MAGT1: variants seen among roughly 807,000 people sequenced by gnomAD.
MAGT1 encodes the protein dolichyl-diphosphooligosaccharide--protein glycosyltransferase subunit MAGT1.
Under a neutral mutation model 28.4 loss-of-function variants are expected in MAGT1, and 4 were observed. The ratio of observed to expected loss-of-function variants is 0.14; its 90% CI spans 0.07 to 0.32. The LOEUF is 0.32. Among genes scored for constraint, MAGT1 ranks in the 10% least tolerant of loss-of-function variants. The pLI, the probability that MAGT1 is intolerant of heterozygous loss-of-function variation, is 1.00. For synonymous variants in MAGT1, 89 were observed against 89.7 expected (o/e 0.99, Z 0.04); for missense variants, 193 against 264.5 (o/e 0.73, Z 1.88).
Position 77,841,235 on chromosome X carries a change from A to G in MAGT1, c.901+11T>C. On this transcript the variant is annotated intron_variant, in intron 8 of 9. Coordinates refer to ENST00000618282, the MANE Select transcript of MAGT1 (RefSeq NM_001367916.1). ...AGGCAGCACTGTTACATTTTGAGTA[A>G]GGTGACTTACTCTTTCGCTTTCCAA... 1 of 1,175,750 alleles carries G rather than the reference A, an allele frequency of 8.5e-7. No individual in the cohort carries two copies. Among genetic ancestry groups the G allele is most frequent in the Non-Finnish European group, 1.2e-6 (1 of 862,936 alleles).
intron 8 of MAGT1, among the ~76,000 whole-genome samples, chrX:77,835,277 G>A (rs1304737977): frequency 1.8e-5 from 2 of 110,997 alleles, no homozygotes; most frequent in Admixed American, 1.9e-4. Flanking sequence ...TTCAATAGAC[G>A]TTTCTCAAAA....
At chrX:77,842,737 T>G (rs914983651) in intron 7 of MAGT1, among the ~76,000 whole-genome samples, 4 of 109,800 alleles carry the variant, frequency 3.6e-5, no homozygotes, top group African/African-American at 1.3e-4. Context: ...TGAGGCAGGA[T>G]AATCACTTGA....
intron 7 of MAGT1, among the ~76,000 whole-genome samples, chrX:77,851,429 A>G (rs2076967919): frequency 1.9e-5 from 2 of 107,880 alleles, no homozygotes; most frequent in Admixed American, 2.0e-4. Context: ...GATGGAGTCC[A>G]GTGGTACCAT....
intron 4 of MAGT1, 129 bp downstream of exon 4, chrX:77,857,222 GTTTAAT>G: frequency 1.3e-6 from 1 of 756,562 alleles, no homozygotes; most frequent in Non-Finnish European, 2.0e-6. Context: ...AGATGATTCT[GTTTAAT>G]GCTACTTATG....
chrX:77,832,843 A>G (rs963432276), intron 8 of MAGT1, among the ~76,000 whole-genome samples: 40 of 108,598 alleles, frequency 3.7e-4, no homozygotes, highest in Non-Finnish European at 7.1e-4. Context: ...AAAAAAAAAA[A>G]AAAAAAGAAA....
intron 3 of MAGT1, among the ~76,000 whole-genome samples, chrX:77,869,714 AAAAAAAAAACACAAAAAACAAAAC>A (rs1267842605): frequency 1.8e-5 from 2 of 109,356 alleles, no homozygotes; most frequent in Admixed American, 2.0e-4. Flanking sequence ...AATTAAAGCA[AAAAAAAAAACACAAAAAACAAAAC>A]AAAAAAAAAC....
At chrX:77,876,768 A>T (rs2077036039) in intron 1 of MAGT1, among the ~76,000 whole-genome samples, 1 of 111,636 alleles carries the variant, frequency 9.0e-6, no homozygotes, top group Admixed American at 9.6e-5. Context: ...TAATCCCAGC[A>T]CTTTGGAGGC....
chrX:77,876,305 C>T (rs2077035062), intron 1 of MAGT1, among the ~76,000 whole-genome samples: 1 of 105,517 alleles, frequency 9.5e-6, no homozygotes, highest in South Asian at 4.1e-4. Context: ...TGCACCCAGA[C>T]AGAATTATTT....
intron 7 of MAGT1, among the ~76,000 whole-genome samples, chrX:77,850,627 C>T (rs1745874313): frequency 9.0e-6 from 1 of 110,666 alleles, no homozygotes; most frequent in African/African-American, 3.3e-5. Flanking sequence ...GAAAAAAGTT[C>T]ACTTTTTGCA....
chrX:77,835,842 CACCCAGGCTGG>C (rs2149010535), intron 8 of MAGT1, among the ~76,000 whole-genome samples: 1 of 111,366 alleles, frequency 9.0e-6, no homozygotes, highest in East Asian at 2.8e-4. Flanking sequence ...CTCGCTCTGT[CACCCAGGCTGG>C]AGTGCAGTGG....
chrX:77,876,172 T>A lies in MAGT1; in HGVS notation c.103-575A>T, dbSNP rs1438328590. ...TATATATATATATATATATTTTTTT[T>A]TTTTTTTTTTTTTTGTAGAGACGGG... On this transcript the variant is annotated intron_variant, in intron 1 of 9. Coordinates refer to ENST00000618282, the MANE Select transcript of MAGT1 (RefSeq NM_001367916.1). Among the ~76,000 whole-genome samples, 298 of 64,147 alleles carry A rather than the reference T, an allele frequency of 4.6e-3. 1 individual carries two copies. Among genetic ancestry groups the A allele is most frequent in the East Asian group, 9.5e-3 (19 of 1,995 alleles). The allele number at this position is 64,147 out of a possible 115,157, so 55.7% of individuals were successfully genotyped here. A position where few individuals can be genotyped will look rare whatever the true frequency, so the allele number is the denominator to read the frequency against.
At chrX:77,875,194 G>C (rs2077030190) in intron 2 of MAGT1, among the ~76,000 whole-genome samples, 1 of 110,547 alleles carries the variant, frequency 9.0e-6, no homozygotes, top group Admixed American at 9.7e-5. Context: ...ATGACTGTTT[G>C]ATCTTTAAGT....
intron 1 of MAGT1, among the ~76,000 whole-genome samples, chrX:77,883,571 TTTTTGG>T (rs2077059464): frequency 1.0e-5 from 1 of 99,808 alleles, no homozygotes; most frequent in African/African-American, 3.7e-5. Context: ...TTTTTTTTTT[TTTTTGG>T]TGACAGGGTC....
At chrX:77,836,591 C>A (rs2076919218) in intron 8 of MAGT1, among the ~76,000 whole-genome samples, 1 of 111,923 alleles carries the variant, frequency 8.9e-6, no homozygotes, top group Non-Finnish European at 1.9e-5. Flanking sequence ...GACAAGTTAG[C>A]CTTTTATTCT....
chrX:77,845,583 T>C lies in MAGT1; in HGVS notation c.827-4263A>G. Among the ~76,000 whole-genome samples, 2 of 112,001 alleles carry C rather than the reference T, an allele frequency of 1.8e-5. 1 individual carries two copies. The highest frequency in any genetic ancestry group is 9.2e-3 in the Middle Eastern group (2 of 217). On this transcript the variant is annotated intron_variant, in intron 7 of 9. Coordinates refer to ENST00000618282, the MANE Select transcript of MAGT1 (RefSeq NM_001367916.1). Reference sequence around the variant, plus strand: ...TTTTGCAGTGGCTGGTGCCGGTTGTTCCTTTCCATGTTTAGCGCTTCCTTC... The same window carrying C: ...TTTTGCAGTGGCTGGTGCCGGTTGTCCCTTTCCATGTTTAGCGCTTCCTTC...
intron 1 of MAGT1, chrX:77,885,712 T>C (rs971504704): frequency 1.6e-4 from 18 of 110,539 alleles, no homozygotes; most frequent in African/African-American, 5.9e-4. Flanking sequence ...TTGGGCGCAG[T>C]AGCTCATGCC....
At chrX:77,862,228 A>T (rs2076996488) in intron 3 of MAGT1, among the ~76,000 whole-genome samples, 1 of 111,444 alleles carries the variant, frequency 9.0e-6, no homozygotes, top group Non-Finnish European at 1.9e-5. Flanking sequence ...TCTCTTCCAC[A>T]GATGGACACA....
In MAGT1 at chrX:77,826,349, A is replaced by C. The variant is rs1172496403; in HGVS notation, c.*2871T>G. 1.8e-5 allele frequency: 2 copies of C among 112,656 alleles called. No homozygotes were observed. Among genetic ancestry groups the C allele is most frequent in the Non-Finnish European group, 3.8e-5 (2 of 53,293 alleles). The allele number at this position is 112,656 out of a possible 1,213,427, so 9.3% of individuals were successfully genotyped here. On this transcript the variant is annotated 3_prime_UTR_variant, in exon 10 of 10. Transcript: ENST00000618282. The stretch of plus-strand genomic sequence containing the variant: ...AAAACTCACTCCTCTTTAGATGGTA[A>C]TCAAAAACTCAGAATTTAGATTGTA...
At chrX:77,853,144 A>T in intron 7 of MAGT1, among the ~76,000 whole-genome samples, 2 of 112,312 alleles carry the variant, frequency 1.8e-5, no homozygotes, top group African/African-American at 3.2e-5. Context: ...CCAAGAAAGT[A>T]AAAATATTCC....
Sources: allele counts gnomAD v4.1 joint callset (sites outside exome capture counted in the v4.1 genomes callset), GRCh38; gene constraint gnomAD v4.1.1; transcripts MANE v1.5; gene names NCBI Gene and HGNC (gene_info 2026-07-23, HGNC 2026-07-21).